The following CCSER1 variants were observed in gnomAD, a reference collection of about 807,000 sequenced individuals.
CCSER1 encodes coiled-coil serine rich protein 1.
CCSER1 carries 41 observed loss-of-function variants against 82.0 expected under a neutral mutation model. The ratio of observed to expected loss-of-function variants is 0.50; its 90% confidence interval spans 0.39 to 0.65. CCSER1 has a LOEUF of 0.65. Among genes scored for constraint, CCSER1 ranks in the 30% least tolerant of loss-of-function variants. The pLI is 0.00. For synonymous variants in CCSER1, 414 were observed against 383.9 expected (o/e 1.08, Z -0.92); for missense variants, 1,119 against 1,064.2 (o/e 1.05, Z -0.72).
At chr4:90,397,455 A>G (rs1320886290) in intron 3 of CCSER1, among the ~76,000 whole-genome samples, 1 of 152,212 alleles carries the variant, frequency 6.6e-6, no homozygotes, top group African/African-American at 2.4e-5. Flanking sequence ...AAAGGATTGA[A>G]CAACCACCTT....
chr4:90,244,678 A>T (rs1039098682), intron 1 of CCSER1, among the ~76,000 whole-genome samples: 8 of 152,080 alleles, frequency 5.3e-5, no homozygotes, highest in Non-Finnish European at 1.5e-5. Flanking sequence ...AAACCATCAG[A>T]TCTCATGAGA....
At chr4:91,462,491 G>T (rs1756565219) in intron 10 of CCSER1, among the ~76,000 whole-genome samples, 1 of 152,060 alleles carries the variant, frequency 6.6e-6, no homozygotes, top group Non-Finnish European at 1.5e-5. Context: ...CATCTCACTG[G>T]GGTTTGTTGG....
intron 1 of CCSER1, among the ~76,000 whole-genome samples, chr4:90,199,941 G>A (rs189476859): frequency 4.6e-5 from 7 of 152,108 alleles, no homozygotes. Context: ...TTAAGTGGAA[G>A]AGTTAAGGTT....
chr4:90,458,026 C>T (rs1322772026), intron 4 of CCSER1, among the ~76,000 whole-genome samples: 2 of 152,156 alleles, frequency 1.3e-5, no homozygotes, highest in Non-Finnish European at 2.9e-5. Context: ...CATGGCCGTG[C>T]CCAGGCTTTG....
At chr4:90,130,602 A>G (rs532884857) in intron 1 of CCSER1, among the ~76,000 whole-genome samples, 8 of 152,178 alleles carry the variant, frequency 5.3e-5, no homozygotes, top group Non-Finnish European at 1.2e-4. Flanking sequence ...TTGGATGTAC[A>G]TCCTTCTACA....
At chr4:90,754,135 C>T (rs932881021) in intron 7 of CCSER1, among the ~76,000 whole-genome samples, 1 of 152,120 alleles carries the variant, frequency 6.6e-6, no homozygotes, top group African/African-American at 2.4e-5. Context: ...TGTGACCTGA[C>T]ATTACATTGT....
intron 7 of CCSER1, among the ~76,000 whole-genome samples, chr4:90,796,672 G>A (rs1438467224): frequency 6.6e-6 from 1 of 151,942 alleles, no homozygotes; most frequent in African/African-American, 2.4e-5. Flanking sequence ...CAGGGATTCT[G>A]GTACATTGTG....
chr4:91,509,334 C>A (rs1581216), intron 10 of CCSER1, among the ~76,000 whole-genome samples: 91,453 of 151,758 alleles, frequency 0.6, 28,057 homozygotes, highest in Middle Eastern at 0.68. Context: ...ATAATCTCTT[C>A]CACCAATTGG....
Position 90,194,971 on chromosome 4 carries a change from G to A in CCSER1, c.-42+67140G>A, listed in dbSNP as rs557588613. 7.9e-5 allele frequency among the ~76,000 whole-genome samples: 12 copies of A among 152,176 alleles called. 1 individual carries two copies. In the South Asian group the frequency reaches 2.5e-3, roughly 32 times the overall value. On this transcript the variant is annotated intron_variant, in intron 1 of 10. Transcript: ENST00000509176. The stretch of plus-strand genomic sequence containing the variant: ...TGTTCTCATGTAAGATATAAAAAAG[G>A]TTGAAAATGAAGGAATTAGTTTGCA...
chr4:90,276,391 G>C (rs1006621311), intron 1 of CCSER1, among the ~76,000 whole-genome samples: 2 of 142,290 alleles, frequency 1.4e-5, no homozygotes, highest in African/African-American at 2.6e-5. Context: ...CTGTTGCCCA[G>C]GCTGGAGTGC....
intron 10 of CCSER1, among the ~76,000 whole-genome samples, chr4:91,170,301 A>G (rs1481676030): frequency 6.6e-6 from 1 of 152,196 alleles, no homozygotes; most frequent in Non-Finnish European, 1.5e-5. Context: ...ATATGCAGCT[A>G]CTCATACTTA....
chr4:91,414,422 T>C (rs1753234642), intron 10 of CCSER1, among the ~76,000 whole-genome samples: 1 of 152,026 alleles, frequency 6.6e-6, no homozygotes, highest in African/African-American at 2.4e-5. Context: ...AAAAAACCTG[T>C]AGTAGATACA....
At chr4:91,519,160 A>G (rs913982563) in intron 10 of CCSER1, among the ~76,000 whole-genome samples, 4 of 152,180 alleles carry the variant, frequency 2.6e-5, no homozygotes, top group South Asian at 2.1e-4. Context: ...GCTGCGCCCA[A>G]TGAGGAGATG....
At chr4:91,557,730 T>G (rs1231038781) in intron 10 of CCSER1, among the ~76,000 whole-genome samples, 2 of 150,946 alleles carry the variant, frequency 1.3e-5, no homozygotes, top group Non-Finnish European at 3.0e-5. Context: ...GAGCCCAGAG[T>G]GAAAGTAATG....
intron 10 of CCSER1, among the ~76,000 whole-genome samples, chr4:91,396,922 A>ATT (rs1752019151): frequency 6.6e-6 from 1 of 151,996 alleles, no homozygotes; most frequent in Non-Finnish European, 1.5e-5. Flanking sequence ...GAAAAGGACC[A>ATT]TTGACCCTCA....
At chr4:91,507,633 G>T (rs993470212) in intron 10 of CCSER1, among the ~76,000 whole-genome samples, 7 of 151,480 alleles carry the variant, frequency 4.6e-5, no homozygotes, top group Non-Finnish European at 7.4e-5. Flanking sequence ...AGTGGTGGGT[G>T]TACTTAGTAT....
intron 10 of CCSER1, among the ~76,000 whole-genome samples, chr4:91,421,001 A>G (rs1753653944): frequency 6.6e-6 from 1 of 152,176 alleles, no homozygotes; most frequent in Non-Finnish European, 1.5e-5. Flanking sequence ...GAATCTAAAA[A>G]AGTCTAACTT....
intron 10 of CCSER1, among the ~76,000 whole-genome samples, chr4:91,557,542 TAAC>T (rs1343459108): frequency 6.6e-6 from 1 of 151,478 alleles, no homozygotes; most frequent in South Asian, 2.1e-4. Flanking sequence ...AATACTATGA[TAAC>T]AATTAGAACA....
chr4:90,645,113 C>A (rs898543410), intron 6 of CCSER1, among the ~76,000 whole-genome samples: 1 of 151,496 alleles, frequency 6.6e-6, no homozygotes, highest in African/African-American at 2.4e-5. Context: ...AAGACACGAT[C>A]TCATTCTTTT....
Sources: allele counts gnomAD v4.1 joint callset (sites outside exome capture counted in the v4.1 genomes callset), GRCh38; gene constraint gnomAD v4.1.1; transcripts MANE v1.5; gene names NCBI Gene and HGNC (gene_info 2026-07-23, HGNC 2026-07-21).